Variants in MAP4K5 observed in about 807,000 individuals in gnomAD.
MAP4K5 encodes mitogen-activated protein kinase kinase kinase kinase 5.
A neutral mutation model predicts 135.6 loss-of-function variants in MAP4K5; 82 were observed. The observed-to-expected ratio is 0.60, with a 90% CI of 0.51 to 0.73. The LOEUF is 0.73. MAP4K5 is among the 30% of genes least tolerant of loss of function. The pLI, the probability that MAP4K5 is intolerant of heterozygous loss-of-function variation, is 0.00. For missense variants in MAP4K5, 907 were observed against 1,010.9 expected (o/e 0.90, Z 1.39); for synonymous variants, 347 against 335.0 (o/e 1.04, Z -0.39).
chr14:50,523,855 C>T (rs933345258), intron 2 of MAP4K5, among the ~76,000 whole-genome samples: 1 of 152,180 alleles, frequency 6.6e-6, no homozygotes, highest in Non-Finnish European at 1.5e-5. Flanking sequence ...GTTAAATACT[C>T]CTTTGCATCC....
intron 14 of MAP4K5, chr14:50,449,807 T>C (rs1337437970): frequency 6.6e-6 from 1 of 152,242 alleles, no homozygotes; most frequent in African/African-American, 2.4e-5. Context: ...CTACTATTCA[T>C]AAAGAACCTC....
intron 1 of MAP4K5, among the ~76,000 whole-genome samples, chr14:50,550,407 G>C (rs1233515032): frequency 6.6e-6 from 1 of 152,238 alleles, no homozygotes; most frequent in Non-Finnish European, 1.5e-5. Context: ...AGCTGGTAAT[G>C]TCTTCTGAAC....
intron 2 of MAP4K5, 30 bp from the exon 3 acceptor site, chr14:50,504,887 T>G: frequency 1.4e-6 from 2 of 1,437,342 alleles, no homozygotes; most frequent in Non-Finnish European, 1.9e-6. Context: ...AAAAATCTTG[T>G]TAATTAAAAG....
chr14:50,486,100 T>C lies in MAP4K5; in HGVS notation c.257+4A>G. 1 of 1,157,458 alleles carries C rather than the reference T, an allele frequency of 8.6e-7. No individual in the cohort carries two copies. Among genetic ancestry groups the C allele is most frequent in the Non-Finnish European group, 1.2e-6 (1 of 805,112 alleles). The allele number at this position is 1,157,458 out of a possible 1,614,324, so 71.7% of individuals were successfully genotyped here. ...GAGAGAGATGATGCTTTTTTTTCTC[T>C]TACCTAAGATAACTCCCAAAGTAGG... is the stretch of plus-strand genomic sequence containing the variant. On this transcript the variant is annotated splice_donor_region_variant and intron_variant, in intron 4 of 32. Coordinates refer to ENST00000682126, the MANE Select transcript of MAP4K5 (RefSeq NM_006575.6).
intron 3 of MAP4K5, among the ~76,000 whole-genome samples, chr14:50,503,624 T>C (rs1023252638): frequency 2.6e-5 from 4 of 152,026 alleles, no homozygotes; most frequent in Admixed American, 2.6e-4. Flanking sequence ...TGGCAAAAAC[T>C]GCTATAATAT....
Position 50,476,308 on chromosome 14 carries a change from TA to T in MAP4K5, c.379-3del. ...TTTAGTATGCAAATAGGCAAGACCCTAAAAGTTTAAAAAAAAAAAAAAAGAA... is the reference window on the plus strand; with the variant it reads ...TTTAGTATGCAAATAGGCAAGACCCTAAAGTTTAAAAAAAAAAAAAAAGAA... On this transcript the variant is annotated splice_region_variant and splice_polypyrimidine_tract_variant and intron_variant, in intron 6 of 32. Transcript: ENST00000682126. The T allele has an allele frequency of 7.5e-7, 1 of 1,328,166 alleles. No homozygotes were observed. Among genetic ancestry groups the T allele is most frequent in the Non-Finnish European group, 9.9e-7 (1 of 1,008,514 alleles). 82.3% of individuals were successfully genotyped at this position (1,328,166 alleles called of 1,614,324 possible).
chr14:50,443,865 TAAAC>T (rs2036282582), intron 19 of MAP4K5, 70 bp downstream of exon 19: 2 of 1,465,626 alleles, frequency 1.4e-6, no homozygotes, highest in African/African-American at 1.4e-5. Context: ...ATTACTGAAT[TAAAC>T]AGACTATGCC....
chr14:50,494,904 C>G (rs2037562037), intron 3 of MAP4K5, among the ~76,000 whole-genome samples: 3 of 152,096 alleles, frequency 2.0e-5, no homozygotes, highest in Non-Finnish European at 4.4e-5. Context: ...AGTTGGACCC[C>G]TGCCTTAAAC....
rs142473490 is a variant in MAP4K5, at chr14:50,517,659, C to T, written c.109-12802G>A. Among the ~76,000 whole-genome samples, 186 of 152,026 alleles carry T rather than the reference C, an allele frequency of 1.2e-3. 2 individuals carry two copies. Among genetic ancestry groups the T allele is most frequent in the East Asian group, 0.01 (53 of 5,096 alleles). On this transcript the variant is annotated intron_variant, in intron 2 of 32. Coordinates refer to ENST00000682126, the MANE Select transcript of MAP4K5 (RefSeq NM_006575.6). Reference sequence around the variant, plus strand: ...GGGTGGGCACCTGTAGTTCCAGCTACGCAGGAGGCTGTGGCAGGAGAATTG... The same window carrying T: ...GGGTGGGCACCTGTAGTTCCAGCTATGCAGGAGGCTGTGGCAGGAGAATTG...
intron 2 of MAP4K5, among the ~76,000 whole-genome samples, chr14:50,542,267 A>T (rs1395961934): frequency 9.0e-6 from 1 of 110,856 alleles, no homozygotes; most frequent in Non-Finnish European, 1.7e-5. Context: ...AACATCACAC[A>T]CCGGGGGCCT....
At chr14:50,547,540 A>T (rs1472369563) in intron 1 of MAP4K5, among the ~76,000 whole-genome samples, 1 of 152,208 alleles carries the variant, frequency 6.6e-6, no homozygotes, top group East Asian at 1.9e-4. Context: ...AGATGAAATA[A>T]TACTGCCTAC....
chr14:50,549,919 T>C (rs949512518), intron 1 of MAP4K5, among the ~76,000 whole-genome samples: 3 of 152,214 alleles, frequency 2.0e-5, no homozygotes, highest in Non-Finnish European at 2.9e-5. Flanking sequence ...CTGTAAAATA[T>C]GCGCCGCAAA....
chr14:50,504,702 C>T (rs999588525), intron 3 of MAP4K5, 98 bp downstream of exon 3: 23 of 833,722 alleles, frequency 2.8e-5, no homozygotes, highest in Admixed American at 8.5e-5. Flanking sequence ...ATTCTACTGA[C>T]CTGATAGAAC....
intron 21 of MAP4K5, among the ~76,000 whole-genome samples, chr14:50,441,743 TACACACACACAC>T (rs57651486): frequency 0.26 from 37,043 of 141,356 alleles, 5,353 homozygotes; most frequent in Non-Finnish European, 0.33. Context: ...AATTATTTTA[TACACACACACAC>T]ACACACACAC....
rs2038179519 is a variant in MAP4K5 at position 50,522,800 on chromosome 14, G to A, written c.108+9142C>T. Among the ~76,000 whole-genome samples, 3 of 152,118 alleles carry A rather than the reference G, an allele frequency of 2.0e-5. No homozygotes were observed. In the South Asian group the frequency reaches 6.2e-4, roughly 31 times the overall value. On this transcript the variant is annotated intron_variant, in intron 2 of 32. Transcript: ENST00000682126. Reference sequence around the variant, plus strand: ...ATCAAAAAATAAGAAAGTAGGTGATGTTTTGATATCAAATGTCAGAGAAAT... The same window carrying A: ...ATCAAAAAATAAGAAAGTAGGTGATATTTTGATATCAAATGTCAGAGAAAT...
At chr14:50,510,577 C>A (rs1425478923) in intron 2 of MAP4K5, among the ~76,000 whole-genome samples, 1 of 152,094 alleles carries the variant, frequency 6.6e-6, no homozygotes, top group Non-Finnish European at 1.5e-5. Context: ...AAATCTTCCA[C>A]AACTAGAAAA....
intron 2 of MAP4K5, among the ~76,000 whole-genome samples, chr14:50,519,332 T>G (rs1413314684): frequency 1.3e-5 from 2 of 152,286 alleles, no homozygotes; most frequent in East Asian, 3.9e-4. Context: ...GAGACACAAG[T>G]AATTTTTCAT....
chr14:50,433,442 AC>A lies in MAP4K5; in HGVS notation c.2164+951del, dbSNP rs2036019985. Among the ~76,000 whole-genome samples the A allele has an allele frequency of 2.6e-5, 4 of 152,202 alleles. No homozygotes were observed. The South Asian group carries it at 8.3e-4, about 31-fold the overall frequency. On this transcript the variant is annotated intron_variant, in intron 28 of 32. Transcript: ENST00000682126. ...AATTGGCCATGGGTGGAGTATTTGT[AC>A]CACAAAAATAGGCAACTCTAACAAA... is the stretch of plus-strand genomic sequence containing the variant.
At chr14:50,430,912 A>AG (rs927029592) in intron 28 of MAP4K5, among the ~76,000 whole-genome samples, 2 of 152,160 alleles carry the variant, frequency 1.3e-5, no homozygotes, top group African/African-American at 4.8e-5. Flanking sequence ...TGCCGGAGTG[A>AG]GGGCATTCAT....
Sources: gnomAD v4.1 joint callset for allele counts (sites outside exome capture counted in the v4.1 genomes callset) on GRCh38, gnomAD v4.1.1 for gene constraint, MANE v1.5 for transcripts, NCBI Gene and HGNC (gene_info 2026-07-23, HGNC 2026-07-21) for gene names.